Variants in VAV3 observed in about 807,000 individuals in gnomAD.
VAV3 encodes vav guanine nucleotide exchange factor 3.
In VAV3, 94 loss-of-function variants were observed where a neutral mutation model predicts 131.2. That is an observed-to-expected ratio of 0.72 (90% confidence interval 0.61 to 0.85). The LOEUF (loss-of-function observed/expected upper bound fraction) is 0.85. Among genes scored for constraint, VAV3 ranks in the 40% least tolerant of loss-of-function variants. The pLI is 0.00. For missense variants in VAV3, 939 were observed against 1,002.7 expected, an observed-to-expected ratio of 0.94 and a Z score of 0.86; for synonymous variants, 349 against 342.0, an observed-to-expected ratio of 1.02 and a Z score of -0.22.
intron 9 of VAV3, among the ~76,000 whole-genome samples, chr1:107,761,399 A>G (rs1306415171): frequency 6.6e-6 from 1 of 151,698 alleles, no homozygotes; most frequent in Non-Finnish European, 1.5e-5. Context: ...TCTCAAAAAA[A>G]AAAAAAAAAA....
chr1:107,873,394 AT>A (rs1330771345), intron 2 of VAV3, among the ~76,000 whole-genome samples: 1 of 152,144 alleles, frequency 6.6e-6, no homozygotes, highest in Non-Finnish European at 1.5e-5. Flanking sequence ...AGACTTTTTC[AT>A]TTTTCATTTC....
intron 15 of VAV3, among the ~76,000 whole-genome samples, chr1:107,736,765 A>T (rs575538770): frequency 1.1e-4 from 16 of 152,258 alleles, no homozygotes; most frequent in African/African-American, 3.9e-4. Context: ...ATATCGTAAA[A>T]ATGGCCATAC....
At chr1:107,580,621 G>A (rs181189021) in intron 25 of VAV3, among the ~76,000 whole-genome samples, 4 of 152,136 alleles carry the variant, frequency 2.6e-5, no homozygotes, top group Non-Finnish European at 2.9e-5. Flanking sequence ...GTGACTTATT[G>A]TTGCCACTCT....
At chr1:107,610,760 T>A (rs1652665038) in intron 21 of VAV3, among the ~76,000 whole-genome samples, 1 of 152,254 alleles carries the variant, frequency 6.6e-6, no homozygotes, top group Non-Finnish European at 1.5e-5. Context: ...ATGTTAAAAA[T>A]AAGAAATAAA....
intron 2 of VAV3, among the ~76,000 whole-genome samples, chr1:107,831,955 A>T (rs1371915830): frequency 6.6e-6 from 1 of 152,208 alleles, no homozygotes; most frequent in African/African-American, 2.4e-5. Flanking sequence ...CAGAACCTAA[A>T]CCACAGCCTT....
chr1:107,901,915 C>CACCT (rs1557912398), intron 1 of VAV3, among the ~76,000 whole-genome samples: 1 of 151,924 alleles, frequency 6.6e-6, no homozygotes, highest in Non-Finnish European at 1.5e-5. Context: ...TGGTGGCATG[C>CACCT]ACCTGTAATC....
At position 107,822,642 on chromosome 1, in the gene VAV3, GACTCCA is replaced by G. The variant is rs1442843693; in HGVS notation, c.322-43156_322-43151del. ...TGCACTCCAGCCTGGGAGACAGCGA[GACTCCA>G]TCTCAAAAAAAATAAATAAATAAAT... On this transcript the variant is annotated intron_variant, in intron 2 of 26. Coordinates refer to ENST00000370056, the MANE Select transcript of VAV3 (RefSeq NM_006113.5). Among the ~76,000 whole-genome samples, 10 of 147,842 alleles carry G rather than the reference GACTCCA, an allele frequency of 6.8e-5. No homozygotes were observed. The East Asian group carries it at 2.0e-3, about 30-fold the overall frequency.
chr1:107,647,671 G>A (rs1380212743), intron 19 of VAV3, among the ~76,000 whole-genome samples: 1 of 151,904 alleles, frequency 6.6e-6, no homozygotes, highest in Non-Finnish European at 1.5e-5. Flanking sequence ...AATTTCCTAG[G>A]TGTGACATCC....
At chr1:107,841,410 G>GA (rs959566916) in intron 2 of VAV3, among the ~76,000 whole-genome samples, 1 of 152,150 alleles carries the variant, frequency 6.6e-6, no homozygotes, top group Non-Finnish European at 1.5e-5. Flanking sequence ...AGGCTGAGGA[G>GA]AAACAGTAGC....
rs751882784 is a variant in VAV3, at chr1:107,574,231, T to C, written c.2351-33A>G. The C allele has an allele frequency of 3.7e-6, 6 of 1,604,162 alleles. No homozygotes were observed. The African/African-American group carries it at 5.3e-5, about 14-fold the overall frequency. ...GAAATGACAAGCAATGACAGTAGGT[T>C]TGCAGTTCGTTAACAACCATAACAA... On this transcript the variant is annotated intron_variant, in intron 25 of 26. Coordinates refer to ENST00000370056, the MANE Select transcript of VAV3 (RefSeq NM_006113.5).
chr1:107,859,352 G>A (rs1015632902), intron 2 of VAV3, among the ~76,000 whole-genome samples: 11 of 152,080 alleles, frequency 7.2e-5, no homozygotes, highest in African/African-American at 2.4e-4. Flanking sequence ...GATTATAGAC[G>A]TTGAGCCAGC....
At chr1:107,921,679 G>A (rs1672904978) in intron 1 of VAV3, among the ~76,000 whole-genome samples, 1 of 152,138 alleles carries the variant, frequency 6.6e-6, no homozygotes, top group Admixed American at 6.5e-5. Context: ...GTTTTAAATG[G>A]AAATTATGGT....
chr1:107,692,992 G>A (rs34822619), intron 17 of VAV3, among the ~76,000 whole-genome samples: 4,107 of 152,198 alleles, frequency 0.027, 72 homozygotes, highest in South Asian at 0.053. Context: ...TAGTGTAGTG[G>A]GGGGAAAAGC....
chr1:107,775,439 G>T (rs868520191), intron 4 of VAV3, among the ~76,000 whole-genome samples: 1 of 151,712 alleles, frequency 6.6e-6, no homozygotes, highest in Admixed American at 6.6e-5. Flanking sequence ...TTAACTGGGC[G>T]CAGTGGCAGG....
chr1:107,758,851 T>TTG (rs1295839095), intron 10 of VAV3, among the ~76,000 whole-genome samples: 1 of 152,190 alleles, frequency 6.6e-6, no homozygotes, highest in African/African-American at 2.4e-5. Flanking sequence ...ACTAAATTAA[T>TTG]TGCAATTCTT....
chr1:107,955,754 C>T (rs564359541), intron 1 of VAV3, among the ~76,000 whole-genome samples: 5 of 152,240 alleles, frequency 3.3e-5, no homozygotes, highest in African/African-American at 1.2e-4. Flanking sequence ...GTCAGGAGTA[C>T]AAAGTGGAGA....
chr1:107,649,885 G>A lies in VAV3; in HGVS notation c.1778-7130C>T, dbSNP rs140494812. Among the ~76,000 whole-genome samples the A allele has an allele frequency of 5.9e-5, 9 of 152,114 alleles. No individual in the cohort carries two copies. The East Asian group carries it at 1.5e-3, about 26-fold the overall frequency. On this transcript the variant is annotated intron_variant, in intron 19 of 26. Transcript: ENST00000370056. Reference sequence around the variant, plus strand: ...TCATAAAGCTCATATTTTAGTGGAGGAGACAAACACAAAAGCAAGTGAATC... The same window carrying A: ...TCATAAAGCTCATATTTTAGTGGAGAAGACAAACACAAAAGCAAGTGAATC...
At chr1:107,850,577 G>A (rs773800520) in intron 2 of VAV3, among the ~76,000 whole-genome samples, 1 of 151,922 alleles carries the variant, frequency 6.6e-6, no homozygotes, top group East Asian at 1.9e-4. Flanking sequence ...GTCGAGGGGT[G>A]GGGGGCAAGG....
chr1:107,711,207 T>C (rs1660763593), intron 15 of VAV3, among the ~76,000 whole-genome samples: 1 of 152,164 alleles, frequency 6.6e-6, no homozygotes, highest in Non-Finnish European at 1.5e-5. Context: ...GATGAAGACA[T>C]CAAGTGGCAC....
Sources: allele counts gnomAD v4.1 joint callset (sites outside exome capture counted in the v4.1 genomes callset), GRCh38; gene constraint gnomAD v4.1.1; transcripts MANE v1.5; gene names NCBI Gene and HGNC (gene_info 2026-07-23, HGNC 2026-07-21).